NALF1: variants seen among roughly 807,000 people sequenced by gnomAD.
NALF1 encodes NALCN channel auxiliary factor 1.
A neutral mutation model predicts 48.4 loss-of-function variants in NALF1; 3 were observed. That is an observed-to-expected ratio of 0.06 (90% CI 0.03 to 0.16). The LOEUF is 0.16. Among genes scored for constraint, NALF1 ranks in the 10% least tolerant of loss-of-function variants. The probability of loss-of-function intolerance (pLI) is 1.00; values close to 1 mark genes in which losing one functional copy is unlikely to be tolerated. For synonymous variants in NALF1, 262 were observed against 245.7 expected (o/e 1.07, Z -0.62); for missense variants, 526 against 571.5 (o/e 0.92, Z 0.81).
chr13:107,610,419 A>C (rs925441082), intron 1 of NALF1, among the ~76,000 whole-genome samples: 1 of 152,126 alleles, frequency 6.6e-6, no homozygotes, highest in Non-Finnish European at 1.5e-5. Flanking sequence ...GTATATATTA[A>C]TGAAAAGATC....
chr13:107,617,622 A>T (rs1028829721), intron 1 of NALF1, among the ~76,000 whole-genome samples: 5 of 152,208 alleles, frequency 3.3e-5, no homozygotes, highest in African/African-American at 1.2e-4. Context: ...AACTAACTCA[A>T]AAGCCACCAA....
intron 1 of NALF1, among the ~76,000 whole-genome samples, chr13:107,505,590 GC>G (rs1411294047): frequency 6.6e-6 from 1 of 152,140 alleles, no homozygotes. Flanking sequence ...GCAATGCGTG[GC>G]CTGACAACCG....
intron 1 of NALF1, among the ~76,000 whole-genome samples, chr13:107,240,441 G>T (rs1341934289): frequency 6.6e-6 from 1 of 152,158 alleles, no homozygotes; most frequent in Non-Finnish European, 1.5e-5. Context: ...TACAAAATGA[G>T]TATGACAATA....
At chr13:107,685,243 A>G (rs543593270) in intron 1 of NALF1, among the ~76,000 whole-genome samples, 62 of 152,194 alleles carry the variant, frequency 4.1e-4, no homozygotes, top group African/African-American at 1.4e-3. Flanking sequence ...GAACCCAGGA[A>G]GCCGAGGGTG....
intron 1 of NALF1, among the ~76,000 whole-genome samples, chr13:107,781,055 C>T (rs1375151377): frequency 6.6e-6 from 1 of 152,096 alleles, no homozygotes; most frequent in Non-Finnish European, 1.5e-5. Context: ...ATGTCAAATA[C>T]TTATCAAATT....
At position 107,302,904 on chromosome 13, in the gene NALF1, A is replaced by T. The variant is rs558130765; in HGVS notation, c.916-92149T>A. 2.6e-3 allele frequency among the ~76,000 whole-genome samples: 392 copies of T among 152,230 alleles called. 2 individuals are homozygous for T. The highest frequency in any genetic ancestry group is 9.2e-3 in the African/African-American group (381 of 41,548). ...CACACATTTTAAACATGTGAAAAAC[A>T]TTGTTAGCTTGAAGAATGTGCAAAA... On this transcript the variant is annotated intron_variant, in intron 1 of 2. Transcript: ENST00000375915.
chr13:107,756,523 C>A (rs977334899), intron 1 of NALF1, among the ~76,000 whole-genome samples: 3 of 151,304 alleles, frequency 2.0e-5, no homozygotes, highest in African/African-American at 7.3e-5. Context: ...TACATTTTAA[C>A]ATAAAATAAA....
intron 1 of NALF1, among the ~76,000 whole-genome samples, chr13:107,290,189 A>C (rs1881587467): frequency 4.6e-5 from 3 of 65,710 alleles, no homozygotes; most frequent in African/African-American, 1.8e-4. Flanking sequence ...AAAAAAAACA[A>C]AAAAAAAAAC....
chr13:107,579,586 C>CTTTATTTTCT (rs1555310183), intron 1 of NALF1, among the ~76,000 whole-genome samples: 1 of 150,696 alleles, frequency 6.6e-6, no homozygotes, highest in Non-Finnish European at 1.5e-5. Context: ...AGTCTGATGC[C>CTTTATTTTCT]TTTCTTTTCT....
intron 1 of NALF1, among the ~76,000 whole-genome samples, chr13:107,649,314 T>C (rs1331670048): frequency 6.6e-6 from 1 of 152,234 alleles, no homozygotes; most frequent in Non-Finnish European, 1.5e-5. Context: ...GTCATACCTC[T>C]GTAGATTAAA....
chr13:107,298,379 A>AAAAAAAAAAAAAAAAAAC (rs1816659245), intron 1 of NALF1, among the ~76,000 whole-genome samples: 1 of 148,942 alleles, frequency 6.7e-6, no homozygotes, highest in African/African-American at 2.5e-5. Context: ...AAAAAAAAAA[A>AAAAAAAAAAAAAAAAAAC]AGACAAAAAG....
chr13:107,500,323 G>A (rs1435126354), intron 1 of NALF1, among the ~76,000 whole-genome samples: 2 of 152,102 alleles, frequency 1.3e-5, no homozygotes, highest in South Asian at 2.1e-4. Context: ...CAAGTTCAAG[G>A]TGTTGGCAGG....
intron 1 of NALF1, among the ~76,000 whole-genome samples, chr13:107,857,085 C>T (rs1316863911): frequency 1.3e-5 from 2 of 152,220 alleles, no homozygotes; most frequent in African/African-American, 4.8e-5. Context: ...CTCCCTGTGT[C>T]TTCTCTATCT....
intron 1 of NALF1, among the ~76,000 whole-genome samples, chr13:107,720,759 T>C (rs1875959398): frequency 6.6e-6 from 1 of 152,178 alleles, no homozygotes; most frequent in South Asian, 2.1e-4. Flanking sequence ...CACGTCCTTT[T>C]ACTGACCGAT....
chr13:107,535,566 A>G (rs937988238), intron 1 of NALF1, among the ~76,000 whole-genome samples: 3 of 152,100 alleles, frequency 2.0e-5, no homozygotes, highest in Admixed American at 2.0e-4. Context: ...ACTGCTCAAC[A>G]AAATAAAAGA....
At chr13:107,823,977 G>GTTATTATTATTATTATTA (rs138189827) in intron 1 of NALF1, among the ~76,000 whole-genome samples, 4 of 148,786 alleles carry the variant, frequency 2.7e-5, no homozygotes, top group African/African-American at 7.4e-5. Flanking sequence ...TACCATTGCT[G>GTTATTATTATTATTATTA]TTATTATTAT....
intron 1 of NALF1, among the ~76,000 whole-genome samples, chr13:107,284,210 A>T (rs1240777315): frequency 6.6e-6 from 1 of 152,172 alleles, no homozygotes; most frequent in Non-Finnish European, 1.5e-5. Context: ...ACATATGCCC[A>T]GGGAAGGGCA....
chr13:107,610,850 T>C (rs1879206066), intron 1 of NALF1, among the ~76,000 whole-genome samples: 1 of 152,160 alleles, frequency 6.6e-6, no homozygotes, highest in Non-Finnish European at 1.5e-5. Context: ...GGTTTCCTTT[T>C]CATCAGTGGG....
At chr13:107,424,250 G>A (rs539003123) in intron 1 of NALF1, among the ~76,000 whole-genome samples, 16 of 152,170 alleles carry the variant, frequency 1.1e-4, no homozygotes, top group Admixed American at 7.9e-4. Flanking sequence ...CCTTTCTTCC[G>A]CCTAAGCCTC....
Sources: allele counts gnomAD v4.1 joint callset (sites outside exome capture counted in the v4.1 genomes callset), GRCh38; gene constraint gnomAD v4.1.1; transcripts MANE v1.5; gene names NCBI Gene and HGNC (gene_info 2026-07-23, HGNC 2026-07-21).